The following SNX7 variants were observed in gnomAD, a reference collection of about 807,000 sequenced individuals.
The protein encoded by SNX7 is sorting nexin 7, also known as sorting nexin-7.
A neutral mutation model predicts 48.4 loss-of-function variants in SNX7; 35 were observed. That is an observed-to-expected ratio of 0.72 (90% CI 0.55 to 0.96). SNX7 has a LOEUF of 0.96. Ranked by LOEUF, SNX7 falls within the 40% of genes least tolerant of loss-of-function variation. The pLI is 0.00. For synonymous variants in SNX7, 190 were observed against 190.2 expected (o/e 1.00, Z 0.01); for missense variants, 553 against 548.9 (o/e 1.01, Z -0.07).
At chr1:98,750,833 GTTATC>G (rs1327215855) in intron 8 of SNX7, among the ~76,000 whole-genome samples, 5 of 152,174 alleles carry the variant, frequency 3.3e-5, no homozygotes, top group South Asian at 2.1e-4. Flanking sequence ...TATAATGACA[GTTATC>G]TTATAAATAC....
intron 2 of SNX7, among the ~76,000 whole-genome samples, chr1:98,688,155 A>G (rs758108223): frequency 9.2e-5 from 14 of 152,168 alleles, no homozygotes; most frequent in Non-Finnish European, 1.5e-5. Flanking sequence ...TTCCTGGGAA[A>G]ATCTTAGTTT....
At chr1:98,702,192 G>A (rs1651787016) in intron 7 of SNX7, among the ~76,000 whole-genome samples, 1 of 152,042 alleles carries the variant, frequency 6.6e-6, no homozygotes, top group Non-Finnish European at 1.5e-5. Flanking sequence ...AGTATGAAAG[G>A]CAATGCTAGC....
At chr1:98,746,247 T>C (rs1353874321) in intron 8 of SNX7, among the ~76,000 whole-genome samples, 1 of 152,112 alleles carries the variant, frequency 6.6e-6, no homozygotes, top group African/African-American at 2.4e-5. Flanking sequence ...TTGACTATTA[T>C]AAATATCAGA....
rs773914455 is a variant in SNX7 at position 98,701,861 on chromosome 1, CA to C, written c.1086del (p.Val363LeufsTer4). On this transcript the variant is annotated frameshift_variant, in exon 7 of 9. Coordinates refer to ENST00000306121, the MANE Select transcript of SNX7 (RefSeq NM_015976.5). LOFTEE classifies it high-confidence loss of function. Reference protein sequence around the residue: ...RDQIQAELDSKVEVLTYKKAD... With the variant: ...RDQIQAELDSXVEVLTYKKAD... ...ACCAAATACAAGCAGAACTGGATTC[CA>C]AAGTTGAAGTTTTGACCTATAAAAA... is the stretch of plus-strand genomic sequence containing the variant. 1 of 1,610,748 alleles carries C rather than the reference CA, an allele frequency of 6.2e-7. No individual in the cohort carries two copies. The highest frequency in any genetic ancestry group is 1.7e-5 in the Admixed American group (1 of 59,638).
rs1406951319 is a variant in SNX7 at position 98,760,127 on chromosome 1, C to T, written c.1352C>T (p.Pro451Leu). Residue 451 changes from proline (P) to leucine (L), a missense_variant, in exon 9 of 9, where the codon CCT becomes CTT. Pro to Leu is a moderately conservative substitution (Grantham distance 98). Transcript: ENST00000306121. Reference sequence around the variant, plus strand: ...TTGGAAGAAGCCTCTGAAGATAAACCTTAATCCCATTGAGGACTTCTGTTT... The same window carrying T: ...TTGGAAGAAGCCTCTGAAGATAAACTTTAATCCCATTGAGGACTTCTGTTT... The part of the protein sequence containing the change: ...LHLEEASEDK[P>L] 1.9e-6 allele frequency: 3 copies of T among 1,605,098 alleles called. No homozygotes were observed. The African/African-American group carries it at 4.0e-5, about 21-fold the overall frequency.
intron 1 of SNX7, among the ~76,000 whole-genome samples, chr1:98,683,139 T>C (rs1306291826): frequency 6.6e-6 from 1 of 152,202 alleles, no homozygotes; most frequent in Admixed American, 6.5e-5. Context: ...TTTTAAAAAG[T>C]GTTTATGCTC....
intron 1 of SNX7, among the ~76,000 whole-genome samples, chr1:98,667,019 A>G (rs1037203057): frequency 6.6e-6 from 1 of 152,208 alleles, no homozygotes; most frequent in Non-Finnish European, 1.5e-5. Flanking sequence ...GCCCTCAGCC[A>G]TCAAGTCTTT....
At chr1:98,698,556 T>A in intron 5 of SNX7, 150 bp from the exon 6 acceptor site, 1 of 699,684 alleles carries the variant, frequency 1.4e-6, no homozygotes, top group Admixed American at 3.0e-5. Context: ...GCTGGTTGAT[T>A]TAATGAAGGA....
chr1:98,735,398 T>C (rs1025915796), intron 7 of SNX7, among the ~76,000 whole-genome samples: 4 of 152,128 alleles, frequency 2.6e-5, no homozygotes, highest in African/African-American at 9.7e-5. Context: ...ACTAAACTTA[T>C]GAATAACTCG....
intron 8 of SNX7, among the ~76,000 whole-genome samples, chr1:98,748,231 C>T (rs1231401435): frequency 6.6e-6 from 1 of 152,078 alleles, no homozygotes; most frequent in Non-Finnish European, 1.5e-5. Context: ...AGTGATCTGC[C>T]TGCCTTGGCC....
intron 2 of SNX7, among the ~76,000 whole-genome samples, chr1:98,688,703 A>T (rs28723463): frequency 6.6e-6 from 1 of 152,016 alleles, no homozygotes; most frequent in Non-Finnish European, 1.5e-5. Flanking sequence ...CAAATACCCA[A>T]GCTTTTATGG....
At chr1:98,705,905 A>G (rs1651980983) in intron 7 of SNX7, among the ~76,000 whole-genome samples, 1 of 152,166 alleles carries the variant, frequency 6.6e-6, no homozygotes, top group Non-Finnish European at 1.5e-5. Context: ...AATCCACATC[A>G]CTTAAAGAAT....
In SNX7 at chr1:98,685,023, G is replaced by T; in HGVS notation, c.319G>T (p.Val107Phe). 1 of 1,580,794 alleles carries T rather than the reference G, an allele frequency of 6.3e-7. No homozygotes were observed. The highest frequency in any genetic ancestry group is 8.6e-7 in the Non-Finnish European group (1 of 1,161,256). ...CACAGTTGATGAACCTGAAAGTCAT[G>T]TTACTACAATAGAAACTTTCATTAC... ...FITVDEPESHVTTIETFITYR... is the reference protein window; with the variant it reads ...FITVDEPESHFTTIETFITYR... The change falls in exon 2 of 9, where the codon GTT becomes TTT. Residue 107 changes from valine (V) to phenylalanine (F), a missense_variant. Val to Phe is a conservative substitution (Grantham distance 50). Coordinates refer to ENST00000306121, the MANE Select transcript of SNX7 (RefSeq NM_015976.5).
intron 7 of SNX7, among the ~76,000 whole-genome samples, chr1:98,734,852 C>T (rs1421851398): frequency 4.6e-5 from 7 of 152,076 alleles, no homozygotes; most frequent in African/African-American, 1.7e-4. Flanking sequence ...CAACGTTTTG[C>T]TGGCAACAAG....
At chr1:98,732,800 CA>C (rs1352559122) in intron 7 of SNX7, among the ~76,000 whole-genome samples, 1 of 151,974 alleles carries the variant, frequency 6.6e-6, no homozygotes, top group Non-Finnish European at 1.5e-5. Flanking sequence ...TAACAGTTTC[CA>C]AATGAACAGA....
At chr1:98,685,091 T>C in intron 2 of SNX7, 24 bp downstream of exon 2, 1 of 1,364,898 alleles carries the variant, frequency 7.3e-7, no homozygotes. Context: ...GAATATTTTC[T>C]TGAATATAGC....
chr1:98,661,613 G>A, upstream of SNX7: 1 of 942,428 alleles, frequency 1.1e-6, no homozygotes, highest in Non-Finnish European at 1.3e-6. Context: ...CTGCGCAGCG[G>A]GCGAGGGGCT....
chr1:98,661,640 G>C (rs1281796788), upstream of SNX7: 1 of 1,090,382 alleles, frequency 9.2e-7, no homozygotes, highest in Admixed American at 4.6e-5. Flanking sequence ...GGGCCGGCCG[G>C]GGAGGTGCAG....
chr1:98,709,314 A>G (rs910312896), intron 7 of SNX7, among the ~76,000 whole-genome samples: 1 of 152,180 alleles, frequency 6.6e-6, no homozygotes, highest in East Asian at 1.9e-4. Context: ...AGACCTCCAC[A>G]GTGTTAAAAT....
Sources: allele counts gnomAD v4.1 joint callset (sites outside exome capture counted in the v4.1 genomes callset), GRCh38; gene constraint gnomAD v4.1.1; transcripts MANE v1.5; gene names NCBI Gene and HGNC (gene_info 2026-07-23, HGNC 2026-07-21).